Variants in RNLS observed in about 807,000 individuals in gnomAD.
RNLS encodes renalase.
A neutral mutation model predicts 39.8 loss-of-function variants in RNLS; 39 were observed. The ratio of observed to expected loss-of-function variants is 0.98; its 90% CI spans 0.76 to 1.28. The LOEUF (loss-of-function observed/expected upper bound fraction) is 1.28. Among genes scored for constraint, RNLS ranks in the 50% most tolerant of loss-of-function variants. The probability of loss-of-function intolerance (pLI) is 0.00; values close to 1 mark genes in which losing one functional copy is unlikely to be tolerated. For missense variants in RNLS, 410 were observed against 413.3 expected (o/e 0.99, Z 0.07); for synonymous variants, 147 against 150.7 (o/e 0.98, Z 0.18).
chr10:88,480,191 C>T (rs1270645821), intron 4 of RNLS, among the ~76,000 whole-genome samples: 1 of 152,212 alleles, frequency 6.6e-6, no homozygotes, highest in Non-Finnish European at 1.5e-5. Flanking sequence ...CATACAGGAC[C>T]TTTAACTCTA....
intron 5 of RNLS, chr10:88,343,913 G>T: frequency 1.5e-6 from 1 of 673,068 alleles, no homozygotes; most frequent in Non-Finnish European, 1.8e-6. Flanking sequence ...GCTCTCACTG[G>T]AGTTCTCCTT....
At chr10:88,582,986 T>C in intron 1 of RNLS, 87 bp downstream of exon 1, 2 of 1,462,042 alleles carry the variant, frequency 1.4e-6, no homozygotes, top group Non-Finnish European at 1.8e-6. Context: ...GTTTTCGCCT[T>C]AGACTTTCTT....
intron 4 of RNLS, among the ~76,000 whole-genome samples, chr10:88,457,671 T>C (rs1842707658): frequency 6.6e-6 from 1 of 152,230 alleles, no homozygotes; most frequent in Non-Finnish European, 1.5e-5. Flanking sequence ...CATTTGAGTT[T>C]TAACTCAGAC....
chr10:88,376,233 C>G (rs1028307829), intron 4 of RNLS, among the ~76,000 whole-genome samples: 1 of 152,010 alleles, frequency 6.6e-6, no homozygotes, highest in Non-Finnish European at 1.5e-5. Flanking sequence ...CCACTGTTCC[C>G]CAAGTGTCCT....
chr10:88,251,907 A>G, the RNLS span, among the ~76,000 whole-genome samples: 1 of 152,272 alleles, frequency 6.6e-6, no homozygotes, highest in East Asian at 1.9e-4. Flanking sequence ...CTGGCCTACA[A>G]AGCCTCTTCC....
In RNLS at chr10:88,403,643, A is replaced by G. The variant is rs375308042; in HGVS notation, c.527-40918T>C. Reference sequence around the variant, plus strand: ...AGATTTATATAATAAGCTTTAAAATAAAAGACAATTTAGTGGGAAGGACCC... The same window carrying G: ...AGATTTATATAATAAGCTTTAAAATGAAAGACAATTTAGTGGGAAGGACCC... On this transcript the variant is annotated intron_variant, in intron 4 of 6. Transcript: ENST00000331772. Among the ~76,000 whole-genome samples the G allele has an allele frequency of 2.0e-5, 3 of 152,166 alleles. No individual in the cohort carries two copies. The South Asian group carries it at 6.2e-4, about 31-fold the overall frequency.
the RNLS span, among the ~76,000 whole-genome samples, chr10:88,206,860 T>C: frequency 6.6e-6 from 1 of 152,110 alleles, no homozygotes; most frequent in Non-Finnish European, 1.5e-5. Flanking sequence ...CAAGACTGAC[T>C]ACAGTTTCTT....
the RNLS span, among the ~76,000 whole-genome samples, chr10:88,236,539 G>A: frequency 6.6e-6 from 1 of 152,228 alleles, no homozygotes; most frequent in Admixed American, 6.5e-5. Context: ...GTAAATGGTT[G>A]CTCAACACAA....
chr10:88,303,764 C>A (rs561310280), intron 6 of RNLS, among the ~76,000 whole-genome samples: 36 of 152,302 alleles, frequency 2.4e-4, no homozygotes, highest in African/African-American at 8.7e-4. Context: ...CAGAGAACAG[C>A]AGATCTTCCC....
the RNLS span, among the ~76,000 whole-genome samples, chr10:88,229,019 A>G: frequency 6.6e-6 from 1 of 152,210 alleles, no homozygotes; most frequent in Non-Finnish European, 1.5e-5. Context: ...CAATCAATCA[A>G]TCCATCAATC....
chr10:88,292,623 C>T (rs1344580446), intron 6 of RNLS, among the ~76,000 whole-genome samples: 4 of 150,710 alleles, frequency 2.7e-5, no homozygotes, highest in African/African-American at 9.8e-5. Context: ...ATAATTTTAC[C>T]ACTTTCTTAT....
chr10:88,568,497 A>T (rs1290526535), intron 4 of RNLS, among the ~76,000 whole-genome samples: 2 of 152,058 alleles, frequency 1.3e-5, no homozygotes, highest in Non-Finnish European at 2.9e-5. Context: ...ATAATCTTAA[A>T]GCTATTTTTT....
intron 4 of RNLS, among the ~76,000 whole-genome samples, chr10:88,568,879 C>A (rs60089382): frequency 3.9e-5 from 6 of 152,120 alleles, no homozygotes; most frequent in African/African-American, 1.4e-4. Context: ...TCTCACAGTG[C>A]GGCTTTGAAC....
chr10:88,449,310 C>G (rs1489469325), intron 4 of RNLS, among the ~76,000 whole-genome samples: 3 of 152,208 alleles, frequency 2.0e-5, no homozygotes, highest in Non-Finnish European at 2.9e-5. Context: ...CAATTAAATG[C>G]TTGTTATTCC....
At chr10:88,489,063 C>T (rs910952098) in intron 4 of RNLS, among the ~76,000 whole-genome samples, 2 of 152,158 alleles carry the variant, frequency 1.3e-5, no homozygotes, top group South Asian at 4.1e-4. Context: ...GAGTCCTGGT[C>T]CCAATTCCAT....
the RNLS span, among the ~76,000 whole-genome samples, chr10:88,189,983 CCTT>C: frequency 2.0e-5 from 3 of 152,136 alleles, no homozygotes; most frequent in Non-Finnish European, 2.9e-5. Context: ...AACCATGACT[CCTT>C]CTTGGGGTTA....
chr10:88,427,846 T>A (rs1428139883), intron 4 of RNLS, among the ~76,000 whole-genome samples: 1 of 151,964 alleles, frequency 6.6e-6, no homozygotes, highest in Non-Finnish European at 1.5e-5. Context: ...TGATCTCACT[T>A]CATATAGGAA....
At chr10:88,455,463 G>C (rs912149124) in intron 4 of RNLS, among the ~76,000 whole-genome samples, 1 of 152,104 alleles carries the variant, frequency 6.6e-6, no homozygotes, top group African/African-American at 2.4e-5. Context: ...CTGGAGTGCA[G>C]TGGTGCGATT....
chr10:88,271,386 T>C (rs1842645845), downstream of RNLS, among the ~76,000 whole-genome samples: 1 of 152,190 alleles, frequency 6.6e-6, no homozygotes, highest in African/African-American at 2.4e-5. Context: ...ACATTTTTCT[T>C]GCTCTGAGCT....
Sources: allele counts gnomAD v4.1 joint callset (sites outside exome capture counted in the v4.1 genomes callset), GRCh38; gene constraint gnomAD v4.1.1; transcripts MANE v1.5; gene names NCBI Gene and HGNC (gene_info 2026-07-23, HGNC 2026-07-21).